Variants in SRPRB observed in about 807,000 individuals in gnomAD.
The protein encoded by SRPRB is signal recognition particle receptor subunit beta.
A neutral mutation model predicts 31.9 loss-of-function variants in SRPRB; 20 were observed. That is an observed-to-expected ratio of 0.63 (90% confidence interval 0.44 to 0.91). The LOEUF (loss-of-function observed/expected upper bound fraction) is 0.91. Ranked by LOEUF, SRPRB falls within the 40% of genes least tolerant of loss-of-function variation. The probability of loss-of-function intolerance (pLI) is 0.00; values close to 1 mark genes in which losing one functional copy is unlikely to be tolerated. For synonymous variants in SRPRB, 146 were observed against 132.8 expected, an observed-to-expected ratio of 1.10 and a Z score of -0.68; for missense variants, 321 against 324.9, an observed-to-expected ratio of 0.99 and a Z score of 0.09.
At chr3:133,816,001 CAAGTT>C (rs1935359123) in intron 5 of SRPRB, among the ~76,000 whole-genome samples, 1 of 151,906 alleles carries the variant, frequency 6.6e-6, no homozygotes, top group Non-Finnish European at 1.5e-5. Context: ...TTTACTTTAC[CAAGTT>C]AAGTTCATCA....
chr3:133,786,555 A>T (rs1333820625), intron 1 of SRPRB: 2 of 152,206 alleles, frequency 1.3e-5, no homozygotes, highest in African/African-American at 4.8e-5. Flanking sequence ...CTAAAGGACA[A>T]ATGAGTCCTG....
At chr3:133,793,456 A>G (rs1471525622) in intron 1 of SRPRB, 1 of 152,124 alleles carries the variant, frequency 6.6e-6, no homozygotes, top group African/African-American at 2.4e-5. Flanking sequence ...AGGTAAACAG[A>G]ATTATTTGAC....
chr3:133,795,811 C>G (rs1934954124), intron 1 of SRPRB: 1 of 152,126 alleles, frequency 6.6e-6, no homozygotes, highest in South Asian at 2.1e-4. Context: ...CTCCTAACCT[C>G]ATGATCTGCC....
intron 1 of SRPRB, among the ~76,000 whole-genome samples, chr3:133,798,049 G>C (rs1036074862): frequency 7.2e-5 from 11 of 152,196 alleles, no homozygotes; most frequent in African/African-American, 2.7e-4. Context: ...ATTTATTGTG[G>C]ACAAAGTTTA....
chr3:133,801,927 T>C (rs1332542289), upstream of SRPRB, among the ~76,000 whole-genome samples: 1 of 152,206 alleles, frequency 6.6e-6, no homozygotes, highest in Non-Finnish European at 1.5e-5. Context: ...CCTTTATCAA[T>C]TAAAAATGCC....
rs368545933 is a variant in SRPRB, at chr3:133,805,893, C to G, written c.45C>G (p.Ala15=). ...GCCGGGTGGCAGATGGCGGCGGTGC[C>G]GGGGGCACCTTCCAGCCCTACCTAG... ...DSRRVADGGG[A]GGTFQPYLDT... is the part of the protein sequence containing the mutation. The change falls in exon 1 of 7, where the codon GCC becomes GCG. Residue 15 remains alanine, a synonymous_variant. Transcript: ENST00000678299. 39 of 1,613,154 alleles carry G rather than the reference C, an allele frequency of 2.4e-5. No individual in the cohort carries two copies. The highest frequency in any genetic ancestry group is 3.3e-5 in the Non-Finnish European group (39 of 1,179,582).
intron 4 of SRPRB, 77 bp downstream of exon 4, chr3:133,811,276 G>A (rs1935257530): frequency 6.7e-7 from 1 of 1,488,966 alleles, no homozygotes; most frequent in Non-Finnish European, 9.3e-7. Flanking sequence ...ATTTGCTCTG[G>A]TGGTGTTTGG....
At chr3:133,790,572 A>G (rs779028974) in intron 1 of SRPRB, 35 of 152,244 alleles carry the variant, frequency 2.3e-4, no homozygotes, top group Non-Finnish European at 4.4e-4. Context: ...AATTGGAGAT[A>G]TTTGGCTAAT....
intron 4 of SRPRB, 74 bp downstream of exon 4, chr3:133,811,273 C>G: frequency 2.7e-6 from 4 of 1,505,604 alleles, no homozygotes; most frequent in South Asian, 2.3e-5. Flanking sequence ...GTGATTTGCT[C>G]TGGTGGTGTT....
downstream of SRPRB, among the ~76,000 whole-genome samples, chr3:133,822,381 TG>T (rs1388187026): frequency 6.6e-6 from 1 of 152,222 alleles, no homozygotes; most frequent in Non-Finnish European, 1.5e-5. Context: ...TGTCCACTTC[TG>T]GAATGGAATC....
chr3:133,804,193 C>A (rs1238465015), upstream of SRPRB, among the ~76,000 whole-genome samples: 2 of 151,560 alleles, frequency 1.3e-5, no homozygotes, highest in African/African-American at 2.4e-5. Flanking sequence ...TGGCCTCAAG[C>A]AATCCTCCTG....
upstream of SRPRB, among the ~76,000 whole-genome samples, chr3:133,803,339 T>C (rs1036970315): frequency 2.6e-5 from 4 of 152,238 alleles, no homozygotes; most frequent in African/African-American, 9.6e-5. Context: ...TTCCTCAACA[T>C]AGCACAGAAA....
In SRPRB at chr3:133,807,803, T is replaced by A; in HGVS notation, c.307T>A (p.Tyr103Asn). The change falls in exon 3 of 7, where the codon TAC (tyrosine) becomes AAC (asparagine). Residue 103 changes from tyrosine (Y) to asparagine (N), a missense_variant. Tyr to Asn is a moderately radical substitution (Grantham distance 143). Transcript: ENST00000678299. Reference protein sequence around the residue: ...QTSITDSCAVYRVNNNRGNSL... With the variant: ...QTSITDSCAVNRVNNNRGNSL... ...GTCCATTACTGACAGCTGTGCTGTA[T>A]ACAGAGTCAACAATAACAGGGTAAG... 6.2e-7 allele frequency: 1 copy of A among 1,611,814 alleles called. No homozygotes were observed. The highest frequency in any genetic ancestry group is 1.1e-5 in the South Asian group (1 of 90,492).
chr3:133,806,550 T>C, intron 1 of SRPRB, 59 bp from the exon 2 acceptor site: 1 of 1,317,684 alleles, frequency 7.6e-7, no homozygotes, highest in South Asian at 1.2e-5. Context: ...ACCCCAGCCA[T>C]GCACATATAC....
chr3:133,797,256 G>C (rs144595570), intron 1 of SRPRB, among the ~76,000 whole-genome samples: 45 of 152,266 alleles, frequency 3.0e-4, no homozygotes, highest in African/African-American at 9.6e-4. Context: ...AGGAAAGATT[G>C]TTCTTAAAAA....
intron 1 of SRPRB, chr3:133,789,871 T>C (rs1934784118): frequency 7.2e-6 from 1 of 139,052 alleles, no homozygotes; most frequent in African/African-American, 2.6e-5. Context: ...CAAAACGATC[T>C]CGTTTGCGTT....
chr3:133,824,384 A>AATC (rs759719961), downstream of SRPRB: 9 of 152,182 alleles, frequency 5.9e-5, no homozygotes, highest in Non-Finnish European at 1.0e-4. Flanking sequence ...CCTCACAGCC[A>AATC]ATCACTTTAA....
intron 1 of SRPRB, chr3:133,784,349 A>G (rs1392786147): frequency 6.6e-6 from 1 of 152,010 alleles, no homozygotes; most frequent in African/African-American, 2.4e-5. Flanking sequence ...GCTGCTCTCA[A>G]CTTCCCCCCC....
At chr3:133,784,518 TG>T (rs1352963963) in intron 1 of SRPRB, 1 of 150,140 alleles carries the variant, frequency 6.7e-6, no homozygotes, top group African/African-American at 2.5e-5. Flanking sequence ...AGGACATAAA[TG>T]GCTTCTGGAG....
Sources: allele counts gnomAD v4.1 joint callset (sites outside exome capture counted in the v4.1 genomes callset), GRCh38; gene constraint gnomAD v4.1.1; transcripts MANE v1.5; gene names NCBI Gene and HGNC (gene_info 2026-07-23, HGNC 2026-07-21).